PCNX2: variants seen among roughly 807,000 people sequenced by gnomAD.
The protein encoded by PCNX2 is pecanex-like protein 2.
Under a neutral mutation model 223.8 loss-of-function variants are expected in PCNX2, and 168 were observed. That is an observed-to-expected ratio of 0.75 (90% CI 0.66 to 0.85). The LOEUF (loss-of-function observed/expected upper bound fraction) is 0.85, where lower values mean the gene tolerates loss of function less well. PCNX2 is among the 40% of genes least tolerant of loss of function. The pLI is 0.00. For missense variants in PCNX2, 2,507 were observed against 2,675.5 expected (o/e 0.94, Z 1.39); for synonymous variants, 1,006 against 1,052.6 (o/e 0.96, Z 0.86).
intron 13 of PCNX2, among the ~76,000 whole-genome samples, chr1:233,204,408 A>T (rs12027542): frequency 6.6e-6 from 1 of 152,136 alleles, no homozygotes; most frequent in South Asian, 2.1e-4. Flanking sequence ...CAGCGGCTCT[A>T]GGAAGTATTA....
chr1:232,993,599 G>A (rs1267238162), intron 32 of PCNX2, among the ~76,000 whole-genome samples: 2 of 152,234 alleles, frequency 1.3e-5, no homozygotes, highest in East Asian at 1.9e-4. Context: ...ATTCAAGCTC[G>A]CTGCAGAAAT....
chr1:233,297,361 C>A (rs1662180861), upstream of PCNX2, among the ~76,000 whole-genome samples: 1 of 152,162 alleles, frequency 6.6e-6, no homozygotes, highest in Admixed American at 6.5e-5. Context: ...AGTTAATAAA[C>A]CACAAGAGGA....
the PCNX2 span, among the ~76,000 whole-genome samples, chr1:233,321,521 C>G: frequency 6.6e-6 from 1 of 152,172 alleles, no homozygotes; most frequent in Non-Finnish European, 1.5e-5. Context: ...TGGTCTGGAA[C>G]TTCTGACCTC....
At chr1:233,149,720 C>T (rs1677682206) in intron 19 of PCNX2, among the ~76,000 whole-genome samples, 1 of 152,116 alleles carries the variant, frequency 6.6e-6, no homozygotes, top group Non-Finnish European at 1.5e-5. Context: ...AGAATGAATG[C>T]AGGGTAAAGG....
At chr1:233,183,640 C>T (rs1040075685) in intron 15 of PCNX2, among the ~76,000 whole-genome samples, 3 of 152,120 alleles carry the variant, frequency 2.0e-5, no homozygotes, top group African/African-American at 7.2e-5. Flanking sequence ...TAAGAGTCCA[C>T]GCATCAAACA....
intron 22 of PCNX2, among the ~76,000 whole-genome samples, chr1:233,093,020 C>A (rs147480820): frequency 6.6e-6 from 1 of 152,132 alleles, no homozygotes; most frequent in African/African-American, 2.4e-5. Flanking sequence ...AGGATGGTCT[C>A]AATCTCCTGA....
intron 21 of PCNX2, among the ~76,000 whole-genome samples, chr1:233,107,971 A>AC (rs1674894732): frequency 6.6e-6 from 1 of 152,110 alleles, no homozygotes; most frequent in Admixed American, 6.6e-5. Context: ...GATGAGCGTG[A>AC]CCTCTGTAGT....
intron 10 of PCNX2, among the ~76,000 whole-genome samples, chr1:233,224,817 C>T (rs1307447266): frequency 1.3e-5 from 2 of 151,854 alleles, no homozygotes; most frequent in Admixed American, 1.3e-4. Flanking sequence ...TTAAAAGTGA[C>T]GTTGCCTCAT....
At chr1:233,174,045 A>G (rs1679320814) in intron 17 of PCNX2, among the ~76,000 whole-genome samples, 1 of 138,380 alleles carries the variant, frequency 7.2e-6, no homozygotes, top group South Asian at 2.3e-4. Context: ...TATACATAAA[A>G]CAAATATATA....
chr1:233,133,306 G>A (rs913431255), intron 21 of PCNX2, among the ~76,000 whole-genome samples: 5 of 152,176 alleles, frequency 3.3e-5, no homozygotes, highest in African/African-American at 9.7e-5. Flanking sequence ...CATTTATTAT[G>A]TGAGATGACA....
chr1:233,252,688 A>G lies in PCNX2; in HGVS notation c.1935T>C (p.His645=). The G allele has an allele frequency of 6.2e-7, 1 of 1,613,890 alleles. No individual in the cohort carries two copies. Among genetic ancestry groups the G allele is most frequent in the South Asian group, 1.1e-5 (1 of 91,054 alleles). ...GAGTGCATGCGGGGCCGGTGCTAGTATGGTCTTGACTTTGCAAATCTGGTT... is the reference window on the plus strand; with the variant it reads ...GAGTGCATGCGGGGCCGGTGCTAGTGTGGTCTTGACTTTGCAAATCTGGTT... The part of the protein sequence containing the change: ...QGKPDLQSQD[H]TSTGPACTQP... Residue 645 remains histidine, a synonymous_variant, in exon 6 of 34, where the codon CAT becomes CAC. Transcript: ENST00000258229.
intron 19 of PCNX2, among the ~76,000 whole-genome samples, chr1:233,148,424 T>C (rs575780870): frequency 1.4e-5 from 2 of 147,198 alleles, no homozygotes; most frequent in Admixed American, 6.6e-5. Context: ...TCACTTTTTT[T>C]CTTTTCTTTT....
intron 17 of PCNX2, among the ~76,000 whole-genome samples, chr1:233,169,447 C>T (rs558294778): frequency 6.6e-6 from 1 of 151,734 alleles, no homozygotes; most frequent in Non-Finnish European, 1.5e-5. Context: ...GAGATCGAGA[C>T]CATCCTGGCT....
chr1:233,295,316 C>T lies in PCNX2; in HGVS notation c.153+10G>A. On this transcript the variant is annotated intron_variant, in intron 1 of 33. Transcript: ENST00000258229. This position sits in a 1 kb window ranked among gnomAD's most constrained non-coding sequence, Gnocchi z 4.1. ...CCACAGCTCCCCGGGACCGGACCCT[C>T]CCCACTCACCAGGTGCAGGGCCAGG... 1 of 1,574,276 alleles carries T rather than the reference C, an allele frequency of 6.4e-7. No homozygotes were observed.
At position 233,091,276 on chromosome 1, in the gene PCNX2, CT is replaced by C. The variant is rs201054549; in HGVS notation, c.3947-1087del. ...GGAAGTTGTTGACAGCTGTATCTCT[CT>C]CACTGCTGAACTAAGGAGGATCTTA... On this transcript the variant is annotated intron_variant, in intron 22 of 33. Transcript: ENST00000258229. Among the ~76,000 whole-genome samples, 1,085 of 152,270 alleles carry C rather than the reference CT, an allele frequency of 7.1e-3. 9 individuals carry two copies. Among genetic ancestry groups the C allele is most frequent in the South Asian group, 0.026 (126 of 4,824 alleles).
In PCNX2 at chr1:232,986,211, C is replaced by T. The variant is rs374424345; in HGVS notation, c.6121G>A (p.Ala2041Thr). The change falls in exon 33 of 34, where the codon GCG (alanine) becomes ACG (threonine). Residue 2041 changes from alanine to threonine, a missense_variant. Ala to Thr is a moderately conservative substitution (Grantham distance 58). This residue lies in a region of PCNX2 where 1,372 missense variants were observed against 1,509.4 expected (regional missense o/e 0.91). Transcript: ENST00000258229. ...FLFGKRSFSS[A>T]LVISGLSAAE... ...GCAGAGAGTCCGGAAATGACGAGCG[C>T]GCTGGAAAAGCTCCTCTTGCCGAAG... 6.4e-5 allele frequency: 100 copies of T among 1,559,256 alleles called. No individual in the cohort carries two copies. In the African/African-American group the frequency reaches 6.8e-4, roughly 11 times the overall value.
chr1:232,993,566 A>C (rs1669776300), intron 32 of PCNX2, among the ~76,000 whole-genome samples: 1 of 152,264 alleles, frequency 6.6e-6, no homozygotes, highest in Admixed American at 6.5e-5. Context: ...AGTAGAAAAG[A>C]AAAGCCCATT....
intron 32 of PCNX2, among the ~76,000 whole-genome samples, chr1:232,992,193 T>A (rs1006496615): frequency 2.6e-5 from 4 of 152,184 alleles, no homozygotes; most frequent in Non-Finnish European, 2.9e-5. Context: ...TTGGCATAGC[T>A]TCCTAGGCTG....
chr1:233,027,497 G>A (rs1671121074), intron 25 of PCNX2, among the ~76,000 whole-genome samples: 1 of 152,146 alleles, frequency 6.6e-6, no homozygotes, highest in African/African-American at 2.4e-5. Context: ...GCATCACTTA[G>A]TTTCATTATT....
Sources: allele counts gnomAD v4.1 joint callset (sites outside exome capture counted in the v4.1 genomes callset), GRCh38; gene constraint gnomAD v4.1.1; regional missense constraint gnomAD v4.1.1; non-coding constraint Gnocchi (gnomAD v3.1); transcripts MANE v1.5; gene names NCBI Gene and HGNC (gene_info 2026-07-23, HGNC 2026-07-21).